The following RNF212 variants were observed in gnomAD, a reference collection of about 807,000 sequenced individuals.
The protein encoded by RNF212 is ring finger protein 212, also known as probable E3 SUMO-protein ligase RNF212.
A neutral mutation model predicts 34.7 loss-of-function variants in RNF212; 33 were observed. The ratio of observed to expected loss-of-function variants is 0.95; its 90% CI spans 0.72 to 1.27. The LOEUF (loss-of-function observed/expected upper bound fraction) is 1.27. RNF212 is among the 50% of genes most tolerant of loss of function. The pLI is 0.00. For synonymous variants in RNF212, 140 were observed against 136.1 expected (o/e 1.03, Z -0.20); for missense variants, 377 against 362.2 (o/e 1.04, Z -0.33).
At chr4:1,085,050 G>A (rs942284857) in intron 5 of RNF212, among the ~76,000 whole-genome samples, 4 of 152,222 alleles carry the variant, frequency 2.6e-5, no homozygotes, top group African/African-American at 9.6e-5. Flanking sequence ...ACACACGCTG[G>A]AGGCTCACCC....
intron 8 of RNF212, among the ~76,000 whole-genome samples, chr4:1,075,070 G>A (rs1363337252): frequency 2.5e-4 from 38 of 152,176 alleles, no homozygotes; most frequent in Admixed American, 2.4e-3. Context: ...GGTGCTGTCT[G>A]ACAGCTGTGA....
At chr4:1,110,499 G>C (rs1487770471) in intron 1 of RNF212, among the ~76,000 whole-genome samples, 1 of 152,100 alleles carries the variant, frequency 6.6e-6, no homozygotes, top group Non-Finnish European at 1.5e-5. Context: ...GAGAACAAGT[G>C]GTGTCTCATA....
upstream of RNF212, chr4:1,113,691 G>C (rs1452799189): frequency 1.1e-5 from 5 of 440,034 alleles, no homozygotes; most frequent in Admixed American, 4.7e-5. Flanking sequence ...CGTTTGGGCT[G>C]GAGTAGGCGG....
chr4:1,077,385 GC>G (rs569145804), intron 8 of RNF212, among the ~76,000 whole-genome samples: 199 of 152,268 alleles, frequency 1.3e-3, no homozygotes, highest in African/African-American at 4.6e-3. Flanking sequence ...AATTTAGCCT[GC>G]CAGTCTTTTC....
intron 1 of RNF212, among the ~76,000 whole-genome samples, chr4:1,109,830 T>C (rs566745750): frequency 1.1e-3 from 169 of 152,332 alleles, no homozygotes; most frequent in Middle Eastern, 3.4e-3. Flanking sequence ...TTCACTTGTG[T>C]ATCCATACTC....
At chr4:1,057,582 C>T (rs772718590) in intron 4 of RNF212, among the ~76,000 whole-genome samples, 1 of 152,170 alleles carries the variant, frequency 6.6e-6, no homozygotes, top group Non-Finnish European at 1.5e-5. Context: ...CCTGCCCCGG[C>T]CTTCTCAATA....
intron 7 of RNF212, among the ~76,000 whole-genome samples, chr4:1,080,495 C>T (rs1720150990): frequency 6.6e-6 from 1 of 152,170 alleles, no homozygotes; most frequent in Non-Finnish European, 1.5e-5. Flanking sequence ...GGACAAAACC[C>T]ACTTGGCTGG....
In RNF212 at chr4:1,081,456, C is replaced by T. The variant is rs760580889; in HGVS notation, c.427G>A (p.Gly143Arg). 7 of 1,613,920 alleles carry T rather than the reference C, an allele frequency of 4.3e-6. No homozygotes were observed. In the South Asian group the frequency reaches 4.4e-5, roughly 10 times the overall value. Residue 143 changes from glycine (G) to arginine (R), a missense_variant, in exon 7 of 10, where the codon GGA becomes AGA. Physicochemically the swap from Gly to Arg is moderately radical, Grantham distance 125. Transcript: ENST00000433731. ...IKSSVSTKPH[G>R]CLLPPHSSAP... ...GATGAGTGAGGTGGCAGCAGGCATC[C>T]GTGTGGTTTTGCTGGAAGAGTGATG... is the stretch of plus-strand genomic sequence containing the variant.
At chr4:1,111,967 C>T (rs547244061) in intron 1 of RNF212, among the ~76,000 whole-genome samples, 5 of 152,268 alleles carry the variant, frequency 3.3e-5, no homozygotes, top group East Asian at 1.9e-4. Context: ...TCCCACATTT[C>T]GGGAGGCCAA....
At chr4:1,079,786 T>A in intron 7 of RNF212, 98 bp from the exon 8 acceptor site, 2 of 843,974 alleles carry the variant, frequency 2.4e-6, no homozygotes, top group Non-Finnish European at 2.1e-6. Flanking sequence ...TGTAAATGTC[T>A]AAATCTTCCT....
chr4:1,060,611 T>A (rs1369010414), intron 3 of RNF212, among the ~76,000 whole-genome samples: 1 of 152,248 alleles, frequency 6.6e-6, no homozygotes, highest in Non-Finnish European at 1.5e-5. Flanking sequence ...GTAATGCTAT[T>A]TAATGTGTTT....
At chr4:1,059,069 C>G (rs6852850) in intron 3 of RNF212, among the ~76,000 whole-genome samples, 123,529 of 152,276 alleles carry the variant, frequency 0.81, 50,828 homozygotes, top group African/African-American at 0.94. Context: ...GGATGGGAAA[C>G]CCACCCAGTG....
chr4:1,067,018 A>T (rs1718139129), downstream of RNF212, among the ~76,000 whole-genome samples: 1 of 152,190 alleles, frequency 6.6e-6, no homozygotes, highest in South Asian at 2.1e-4. Flanking sequence ...GTGGATATCC[A>T]GTTTTCCCAA....
At chr4:1,077,415 T>A (rs1719500830) in intron 8 of RNF212, among the ~76,000 whole-genome samples, 1 of 152,188 alleles carries the variant, frequency 6.6e-6, no homozygotes, top group South Asian at 2.1e-4. Flanking sequence ...TTCTTTTTTT[T>A]AGAGACAGGG....
chr4:1,083,692 G>C (rs567827503), intron 5 of RNF212, among the ~76,000 whole-genome samples: 29 of 152,090 alleles, frequency 1.9e-4, no homozygotes, highest in African/African-American at 6.8e-4. Flanking sequence ...GGGTTCACTG[G>C]CTTAACCTGA....
chr4:1,111,784 C>G (rs1286735462), intron 1 of RNF212, among the ~76,000 whole-genome samples: 3 of 152,158 alleles, frequency 2.0e-5, no homozygotes, highest in African/African-American at 7.2e-5. Context: ...AAGACAGGAG[C>G]AAGAAGATTC....
rs1718623724 is a variant in RNF212 at position 1,072,588 on chromosome 4, C to T, written c.*286G>A. On this transcript the variant is annotated 3_prime_UTR_variant, in exon 10 of 10. Coordinates refer to ENST00000433731, the MANE Select transcript of RNF212 (RefSeq NM_001131034.4). ...TCTAAGAAAAAGTTTTAAAAACCAC[C>T]CAGTTAGAAAAAAATGATTTAAGTA... 3.3e-6 allele frequency: 3 copies of T among 917,120 alleles called. No individual in the cohort carries two copies. The highest frequency in any genetic ancestry group is 1.8e-5 in the African/African-American group (1 of 55,948). The allele number at this position is 917,120 out of a possible 1,614,324, so 56.8% of individuals were successfully genotyped here.
chr4:1,081,442 T>C lies in RNF212; in HGVS notation c.441A>G (p.Pro147=), dbSNP rs772186429. Residue 147 remains proline (P), a synonymous_variant, in exon 7 of 10, where the codon CCA becomes CCG. Transcript: ENST00000433731. ...VSTKPHGCLL[P]PHSSAPDRLE... Reference sequence around the variant, plus strand: ...ACCTGTCGGGGGCTGATGAGTGAGGTGGCAGCAGGCATCCGTGTGGTTTTG... The same window carrying C: ...ACCTGTCGGGGGCTGATGAGTGAGGCGGCAGCAGGCATCCGTGTGGTTTTG... 6.2e-7 allele frequency: 1 copy of C among 1,613,806 alleles called. No homozygotes were observed. Among genetic ancestry groups the C allele is most frequent in the Non-Finnish European group, 8.5e-7 (1 of 1,179,846 alleles).
chr4:1,107,692 C>T (rs980301966), intron 2 of RNF212, among the ~76,000 whole-genome samples: 6 of 152,110 alleles, frequency 3.9e-5, no homozygotes, highest in Non-Finnish European at 7.4e-5. Flanking sequence ...TCTCGTGATC[C>T]GCCCATCTTG....
Sources: gnomAD v4.1 joint callset for allele counts (sites outside exome capture counted in the v4.1 genomes callset) on GRCh38, gnomAD v4.1.1 for gene constraint, MANE v1.5 for transcripts, NCBI Gene and HGNC (gene_info 2026-07-23, HGNC 2026-07-21) for gene names.